Variants in BAHCC1 observed in about 807,000 individuals in gnomAD.
BAHCC1 encodes BAH domain and coiled-coil containing 1, also known as BAH and coiled-coil domain-containing protein 1.
Under a neutral mutation model 88.2 loss-of-function variants are expected in BAHCC1, and 43 were observed. The ratio of observed to expected loss-of-function variants is 0.49; its 90% confidence interval spans 0.38 to 0.63. The LOEUF is 0.63. BAHCC1 is among the 20% of genes least tolerant of loss of function. The pLI is 0.00. For missense variants in BAHCC1, 3,023 were observed against 1,654.8 expected (o/e 1.83, Z -14.34); for synonymous variants, 1,510 against 745.5 (o/e 2.03, Z -16.71).
rs1237945874 is a variant in BAHCC1, at chr17:81,417,406, A to T, written c.179-9394A>T. ...GCCTGCCCAGGAGAGCGGGTGAGAG[A>T]CATGGGAGAAGGTGTGAAGAATTGG... On this transcript the variant is annotated intron_variant, in intron 2 of 27. Transcript: ENST00000675386. Among the ~76,000 whole-genome samples, 3 of 151,896 alleles carry T rather than the reference A, an allele frequency of 2.0e-5. No homozygotes were observed. In the East Asian group the frequency reaches 5.8e-4, roughly 29 times the overall value.
chr17:81,400,021 C>A, intron 2 of BAHCC1, 104 bp downstream of exon 2: 1 of 1,019,808 alleles, frequency 9.8e-7, no homozygotes, highest in South Asian at 4.4e-5. Context: ...TTTCATTTCC[C>A]GGCCCCGGCC....
intron 11 of BAHCC1, among the ~76,000 whole-genome samples, chr17:81,449,140 G>A (rs943115710): frequency 1.7e-4 from 26 of 152,150 alleles, no homozygotes; most frequent in Non-Finnish European, 2.8e-4. Flanking sequence ...CACGTGTCCC[G>A]GGTGGTGGGC....
At chr17:81,431,238 A>G (rs1339136383) in intron 3 of BAHCC1, among the ~76,000 whole-genome samples, 1 of 151,802 alleles carries the variant, frequency 6.6e-6, no homozygotes, top group East Asian at 1.9e-4. Context: ...TCGGCCCCTC[A>G]CCGTGGCCTG....
chr17:81,430,516 C>T (rs991975174), intron 3 of BAHCC1, among the ~76,000 whole-genome samples: 11 of 152,322 alleles, frequency 7.2e-5, no homozygotes, highest in East Asian at 3.9e-4. Flanking sequence ...TCCCTGCCAA[C>T]GGAGCCCCGC....
chr17:81,406,632 C>T (rs901180334), intron 2 of BAHCC1, among the ~76,000 whole-genome samples: 1 of 152,248 alleles, frequency 6.6e-6, no homozygotes, highest in Non-Finnish European at 1.5e-5. Context: ...GTTTCGCTCA[C>T]GCAGGCCTAT....
intron 2 of BAHCC1, among the ~76,000 whole-genome samples, chr17:81,418,795 GCGTGTGTGTGTGTA>G (rs1340301838): frequency 0.021 from 1,119 of 53,952 alleles, 18 homozygotes; most frequent in African/African-American, 0.056. Context: ...GTACGTGTGT[GCGTGTGTGTGTGTA>G]CGTGTGTGTG....
At chr17:81,427,319 G>GCCGTGC (rs2064212023) in intron 3 of BAHCC1, among the ~76,000 whole-genome samples, 1 of 152,186 alleles carries the variant, frequency 6.6e-6, no homozygotes, top group African/African-American at 2.4e-5. Flanking sequence ...CCTCACAGTG[G>GCCGTGC]CCGTGCCCCA....
chr17:81,442,263 G>A lies in BAHCC1; in HGVS notation c.914G>A (p.Gly305Asp), dbSNP rs782052171. 1.6e-6 allele frequency: 1 copy of A among 626,306 alleles called. No homozygotes were observed. The highest frequency in any genetic ancestry group is 2.8e-5 in the East Asian group (1 of 35,636). The allele number at this position is 626,306 out of a possible 1,614,324, so 38.8% of individuals were successfully genotyped here. Residue 305 changes from glycine to aspartate, a missense_variant, in exon 5 of 28, where the codon GGC (glycine) becomes GAC (aspartate). Gly to Asp is a moderately conservative substitution (Grantham distance 94). Coordinates refer to ENST00000675386, the MANE Select transcript of BAHCC1 (RefSeq NM_001377448.1). ...GCTGCGCTAGCCAGCTGTGCAGGGG[G>A]CATGCTGGGGCGGCCTGGCACGGGG... ...GRAALASCAG[G>D]MLGRPGTGVV...
chr17:81,406,374 C>T (rs926491831), intron 2 of BAHCC1, among the ~76,000 whole-genome samples: 4 of 152,200 alleles, frequency 2.6e-5, no homozygotes, highest in Non-Finnish European at 4.4e-5. Flanking sequence ...TCCCAGCCCC[C>T]GCTCCCCGCC....
In BAHCC1 at chr17:81,461,284, G is replaced by A; in HGVS notation, c.6621G>A (p.Leu2207=). 1.4e-6 allele frequency: 1 copy of A among 708,138 alleles called. No individual in the cohort carries two copies. Among genetic ancestry groups the A allele is most frequent in the Non-Finnish European group, 2.6e-6 (1 of 384,632 alleles). 43.9% of individuals were successfully genotyped at this position (708,138 alleles called of 1,614,324 possible). The change falls in exon 26 of 28, where the codon CTG becomes CTA. Residue 2207 remains leucine (L), a synonymous_variant. Coordinates refer to ENST00000675386, the MANE Select transcript of BAHCC1 (RefSeq NM_001377448.1). ...GGRRRAGGEF[L]VKLDHEGVTS... Reference sequence around the variant, plus strand: ...GGCGGCGGGCGGGCGGTGAGTTCCTGGTCAAGCTGGACCACGAGGGTGTGA... The same window carrying A: ...GGCGGCGGGCGGGCGGTGAGTTCCTAGTCAAGCTGGACCACGAGGGTGTGA...
chr17:81,436,051 C>T (rs2064331296), intron 3 of BAHCC1, among the ~76,000 whole-genome samples: 1 of 152,108 alleles, frequency 6.6e-6, no homozygotes, highest in South Asian at 2.1e-4. Context: ...GATGACCCCA[C>T]CCTGCCGACT....
chr17:81,425,678 G>A (rs1285368573), intron 2 of BAHCC1, among the ~76,000 whole-genome samples: 3 of 80,804 alleles, frequency 3.7e-5, no homozygotes, highest in Non-Finnish European at 7.8e-5. Context: ...GTGATGGTGG[G>A]TGATGTGGTT....
intron 2 of BAHCC1, among the ~76,000 whole-genome samples, chr17:81,424,260 C>T (rs73363767): frequency 1.3e-5 from 2 of 152,314 alleles, no homozygotes; most frequent in African/African-American, 4.8e-5. Context: ...CTGGAGGGGC[C>T]GAGACTGTGG....
rs782070092 is a variant in BAHCC1 at position 81,457,493 on chromosome 17, G to A, written c.4942G>A (p.Gly1648Arg). The change falls in exon 17 of 28, where the codon GGG becomes AGG. Residue 1648 changes from glycine to arginine, a missense_variant. Gly to Arg is a moderately radical substitution (Grantham distance 125, BLOSUM62 -2). Coordinates refer to ENST00000675386, the MANE Select transcript of BAHCC1 (RefSeq NM_001377448.1). Reference protein sequence around the residue: ...PREAGLLLHTGASVAVLGPSP... With the variant: ...PREAGLLLHTRASVAVLGPSP... The stretch of plus-strand genomic sequence containing the variant: ...GGAAGCAGGGCTGCTGCTGCACACC[G>A]GGGCCAGTGTGGCCGTGCTGGGGCC... The A allele has an allele frequency of 4.1e-5, 31 of 763,188 alleles. No homozygotes were observed. The highest frequency in any genetic ancestry group is 8.9e-5 in the Admixed American group (5 of 56,342). The allele number at this position is 763,188 out of a possible 1,614,324, so 47.3% of individuals were successfully genotyped here.
chr17:81,464,210 A>C lies in BAHCC1; in HGVS notation c.*393A>C. On this transcript the variant is annotated 3_prime_UTR_variant, in exon 28 of 28. Coordinates refer to ENST00000675386, the MANE Select transcript of BAHCC1 (RefSeq NM_001377448.1). ...GTTGTCTATTTATTTCTCTATGTAA[A>C]TATTGTATTTCTGCGGGGAAATTTT... 3.6e-6 allele frequency: 1 copy of C among 277,448 alleles called. No homozygotes were observed. The allele number at this position is 277,448 out of a possible 1,614,324, so 17.2% of individuals were successfully genotyped here.
intron 2 of BAHCC1, among the ~76,000 whole-genome samples, chr17:81,413,808 G>A (rs1034019621): frequency 9.2e-5 from 14 of 152,242 alleles, no homozygotes; most frequent in African/African-American, 3.4e-4. Context: ...GGGTTAAGGT[G>A]TCCTTCTCTG....
intron 3 of BAHCC1, among the ~76,000 whole-genome samples, chr17:81,433,334 G>T (rs1334943401): frequency 3.9e-5 from 6 of 152,188 alleles, no homozygotes; most frequent in African/African-American, 1.4e-4. Flanking sequence ...GCAGAGAGCA[G>T]ACAGGACTAG....
Position 81,399,519 on chromosome 17 carries a change from C to A in BAHCC1, c.-206-15C>A. ...CCCCCAGTCACCCGTGTCTCCTCTG[C>A]TTTTGCCTCCACAGACCATGGACCC... On this transcript the variant is annotated splice_polypyrimidine_tract_variant and intron_variant, in intron 1 of 27. Transcript: ENST00000675386. This position sits in a 1 kb window ranked among gnomAD's most constrained non-coding sequence, Gnocchi z 4.5. 2 of 349,010 alleles carry A rather than the reference C, an allele frequency of 5.7e-6. No homozygotes were observed. The highest frequency in any genetic ancestry group is 3.5e-5 in the Admixed American group (1 of 28,862). 21.6% of individuals were successfully genotyped at this position (349,010 alleles called of 1,614,324 possible).
At chr17:81,446,553 T>C (rs1555654399) in intron 10 of BAHCC1, among the ~76,000 whole-genome samples, 1 of 91,076 alleles carries the variant, frequency 1.1e-5, no homozygotes, top group African/African-American at 3.8e-5. Flanking sequence ...TTTTTTTTTT[T>C]TTTTTTTTTT....
Sources: gnomAD v4.1 joint callset for allele counts (sites outside exome capture counted in the v4.1 genomes callset) on GRCh38, gnomAD v4.1.1 for gene constraint, Gnocchi (gnomAD v3.1) non-coding constraint, MANE v1.5 for transcripts, NCBI Gene and HGNC (gene_info 2026-07-23, HGNC 2026-07-21) for gene names.